COMMD1: variants seen among roughly 807,000 people sequenced by gnomAD.
COMMD1 encodes COMM domain-containing protein 1.
Under a neutral mutation model 17.2 loss-of-function variants are expected in COMMD1, and 10 were observed. The observed-to-expected ratio is 0.58, with a 90% CI of 0.36 to 0.99. COMMD1 has a LOEUF of 0.99. COMMD1 is among the 50% of genes least tolerant of loss of function. COMMD1 has a pLI of 0.01. For missense variants in COMMD1, 270 were observed against 231.8 expected (o/e 1.17, Z -1.07); for synonymous variants, 97 against 91.6 (o/e 1.06, Z -0.34).
chr2:62,026,115 GA>G (rs1669748838), intron 2 of COMMD1, among the ~76,000 whole-genome samples: 1 of 152,168 alleles, frequency 6.6e-6, no homozygotes, highest in Admixed American at 6.5e-5. Flanking sequence ...ATTCCAGTCA[GA>G]CTTTATATAA....
chr2:62,057,304 G>A (rs1670732772), intron 2 of COMMD1, among the ~76,000 whole-genome samples: 1 of 152,118 alleles, frequency 6.6e-6, no homozygotes. Context: ...TAATCTCATA[G>A]CCAAAAACGA....
At chr2:61,971,333 T>A (rs1475249213) in intron 1 of COMMD1, among the ~76,000 whole-genome samples, 2 of 152,134 alleles carry the variant, frequency 1.3e-5, no homozygotes, top group African/African-American at 4.8e-5. Context: ...TCTAAACTAA[T>A]CCCGGTTGGC....
intron 1 of COMMD1, among the ~76,000 whole-genome samples, chr2:61,907,051 T>G (rs1669791638): frequency 6.6e-6 from 1 of 152,222 alleles, no homozygotes; most frequent in Non-Finnish European, 1.5e-5. Context: ...TCCTAGACAT[T>G]CTAAGTAATC....
chr2:61,983,250 C>T (rs943532666), intron 1 of COMMD1, among the ~76,000 whole-genome samples: 38 of 145,282 alleles, frequency 2.6e-4, no homozygotes, highest in African/African-American at 5.4e-4. Flanking sequence ...AGTGCAGTGG[C>T]GCAATCTTGG....
chr2:61,902,778 G>A (rs946158349), upstream of COMMD1, among the ~76,000 whole-genome samples: 7 of 152,180 alleles, frequency 4.6e-5, no homozygotes, highest in South Asian at 4.1e-4. Flanking sequence ...CTGGGAGGTC[G>A]AGACTGCAGT....
At chr2:61,942,599 G>C (rs1670781552) in intron 1 of COMMD1, among the ~76,000 whole-genome samples, 1 of 148,458 alleles carries the variant, frequency 6.7e-6, no homozygotes, top group Non-Finnish European at 1.5e-5. Context: ...AAGGGCAGTG[G>C]TGTGATCTTG....
At chr2:62,002,761 C>T (rs536525682) in intron 2 of COMMD1, among the ~76,000 whole-genome samples, 13 of 151,848 alleles carry the variant, frequency 8.6e-5, no homozygotes, top group Admixed American at 2.0e-4. Flanking sequence ...GAGGCTGAGG[C>T]AGGAGAATTG....
chr2:62,040,448 T>G (rs1670158396), intron 2 of COMMD1, among the ~76,000 whole-genome samples: 1 of 152,220 alleles, frequency 6.6e-6, no homozygotes, highest in South Asian at 2.1e-4. Context: ...TATCTTTTAC[T>G]TTTCAGAGTA....
chr2:61,905,496 G>T (rs1669745594), upstream of COMMD1, among the ~76,000 whole-genome samples: 1 of 152,246 alleles, frequency 6.6e-6, no homozygotes, highest in African/African-American at 2.4e-5. Context: ...TTCCGTGGAG[G>T]TATCCTAAGG....
chr2:61,926,389 G>A (rs943506301), intron 1 of COMMD1, among the ~76,000 whole-genome samples: 1 of 152,074 alleles, frequency 6.6e-6, no homozygotes, highest in African/African-American at 2.4e-5. Flanking sequence ...CAGCTACAGT[G>A]GAATATACTT....
chr2:62,045,841 A>G (rs975293865), intron 2 of COMMD1, among the ~76,000 whole-genome samples: 1 of 148,938 alleles, frequency 6.7e-6, no homozygotes, highest in South Asian at 2.1e-4. Context: ...GGTTCAAGCA[A>G]TTCTCCTGCC....
chr2:62,074,587 G>A (rs1232016861), intron 2 of COMMD1, among the ~76,000 whole-genome samples: 2 of 152,212 alleles, frequency 1.3e-5, no homozygotes, highest in Admixed American at 6.5e-5. Context: ...TAAACAGTAT[G>A]CAGGGTTTCT....
At chr2:61,954,389 T>TA (rs1247469283) in intron 1 of COMMD1, among the ~76,000 whole-genome samples, 2 of 152,188 alleles carry the variant, frequency 1.3e-5, no homozygotes, top group Non-Finnish European at 2.9e-5. Flanking sequence ...ATCAATTAGT[T>TA]ACATTTTGCA....
intron 1 of COMMD1, among the ~76,000 whole-genome samples, chr2:61,919,290 G>A (rs1670124764): frequency 6.6e-6 from 1 of 152,112 alleles, no homozygotes; most frequent in African/African-American, 2.4e-5. Flanking sequence ...GGGATTACAG[G>A]CGGGAGCCAC....
At chr2:61,955,182 T>C (rs1050953263) in intron 1 of COMMD1, among the ~76,000 whole-genome samples, 1 of 152,196 alleles carries the variant, frequency 6.6e-6, no homozygotes, top group Non-Finnish European at 1.5e-5. Flanking sequence ...ATTTCTTTGG[T>C]GAAATGTCTA....
At chr2:62,002,715 G>A (rs995252863) in intron 2 of COMMD1, among the ~76,000 whole-genome samples, 1 of 151,408 alleles carries the variant, frequency 6.6e-6, no homozygotes, top group Non-Finnish European at 1.5e-5. Flanking sequence ...AAATTGCCGG[G>A]CATGGTGGCG....
At chr2:61,990,326 T>G (rs907959356) in intron 1 of COMMD1, among the ~76,000 whole-genome samples, 2 of 152,348 alleles carry the variant, frequency 1.3e-5, no homozygotes, top group African/African-American at 4.8e-5. Context: ...GAAGTTCTTA[T>G]AGATTTTTTT....
chr2:61,992,441 G>A (rs1672274869), intron 1 of COMMD1, among the ~76,000 whole-genome samples: 1 of 152,166 alleles, frequency 6.6e-6, no homozygotes, highest in Non-Finnish European at 1.5e-5. Flanking sequence ...TGAGACACAG[G>A]TCTTTTTGTC....
chr2:62,100,214 C>G (rs921228587), intron 2 of COMMD1: 1 of 152,112 alleles, frequency 6.6e-6, no homozygotes, highest in Non-Finnish European at 1.5e-5. Flanking sequence ...GAAGCTAGAA[C>G]TTGGTGAGGT....
Sources: allele counts gnomAD v4.1 joint callset (sites outside exome capture counted in the v4.1 genomes callset), GRCh38; gene constraint gnomAD v4.1.1; transcripts MANE v1.5; gene names NCBI Gene and HGNC (gene_info 2026-07-23, HGNC 2026-07-21).